ELMO3: variants seen among roughly 807,000 people sequenced by gnomAD.
ELMO3 encodes the protein engulfment and cell motility protein 3.
A neutral mutation model predicts 89.0 loss-of-function variants in ELMO3; 81 were observed. That is an observed-to-expected ratio of 0.91 (90% CI 0.76 to 1.09). The LOEUF is 1.09. Among genes scored for constraint, ELMO3 ranks in the 50% least tolerant of loss-of-function variants. The pLI is 0.00. For synonymous variants in ELMO3, 406 were observed against 400.6 expected (o/e 1.01, Z -0.16); for missense variants, 959 against 972.8 (o/e 0.99, Z 0.19).
At position 67,203,601 on chromosome 16, in the gene ELMO3, T is replaced by A; in HGVS notation, c.1950+18T>A. The A allele has an allele frequency of 1.2e-6, 2 of 1,613,968 alleles. No homozygotes were observed. The highest frequency in any genetic ancestry group is 2.7e-5 in the African/African-American group (2 of 75,016). On this transcript the variant is annotated intron_variant, in intron 19 of 19. Coordinates refer to ENST00000393997, the MANE Select transcript of ELMO3 (RefSeq NM_024712.5). The surrounding 1 kb of genome is among the most constrained non-coding windows in gnomAD (Gnocchi z 4.6). ...AGCGGGAGGTGAGTGTCCGCCAGGC[T>A]GAGGTCGGCAGGTGGGCAGGGGAGG...
chr16:67,199,489 C>CCCCCCCCCCCCCCCA, intron 1 of ELMO3, 64 bp from the exon 2 acceptor site: 1 of 1,554,410 alleles, frequency 6.4e-7, no homozygotes, highest in Non-Finnish European at 8.7e-7. Context: ...CGCCCCACCC[C>CCCCCCCCCCCCCCCA]TCCCCCCAGG....
chr16:67,202,893 G>T lies in ELMO3; in HGVS notation c.1564G>T (p.Glu522Ter). The stretch of plus-strand genomic sequence containing the variant: ...TGCTCAGTGACACCCCTCTATCAGG[G>T]AGCTGCGGGAGAAGCTGAAGCCAGA... Reference protein sequence around the residue: ...QEGTLAPPILELREKLKPELM... With the variant: ...QEGTLAPPIL The change falls in exon 16 of 20, where the codon GAG becomes TAG. Residue 522 changes from glutamate to a stop codon, truncating the protein, a stop_gained and splice_region_variant. Coordinates refer to ENST00000393997, the MANE Select transcript of ELMO3 (RefSeq NM_024712.5). LOFTEE classifies it high-confidence loss of function. 1 of 1,612,934 alleles carries T rather than the reference G, an allele frequency of 6.2e-7. No homozygotes were observed. The highest frequency in any genetic ancestry group is 8.5e-7 in the Non-Finnish European group (1 of 1,179,972).
In ELMO3 at chr16:67,199,981, C is replaced by T; in HGVS notation, c.223C>T (p.Leu75=). 2 of 1,613,862 alleles carry T rather than the reference C, an allele frequency of 1.2e-6. No individual in the cohort carries two copies. Among genetic ancestry groups the T allele is most frequent in the Non-Finnish European group, 8.5e-7 (1 of 1,180,028 alleles). Residue 75 remains leucine (L), a synonymous_variant, in exon 4 of 20, where the codon CTG becomes TTG. Coordinates refer to ENST00000393997, the MANE Select transcript of ELMO3 (RefSeq NM_024712.5). The part of the protein sequence containing the change: ...NRAEIKNGSI[L]CLSTAPDLEA... Reference sequence around the variant, plus strand: ...CGCGGAGATCAAGAATGGCAGCATCCTGTGCCTCAGCACGGCCCCAGTAAT... The same window carrying T: ...CGCGGAGATCAAGAATGGCAGCATCTTGTGCCTCAGCACGGCCCCAGTAAT...
chr16:67,200,620 C>T (rs1428011823), intron 6 of ELMO3, 37 bp from the exon 7 acceptor site: 1 of 1,609,760 alleles, frequency 6.2e-7, no homozygotes, highest in Non-Finnish European at 8.5e-7. Context: ...CCCGGTCTTC[C>T]ATGGGGGTGA....
At position 67,200,367 on chromosome 16, in the gene ELMO3, C is replaced by T; in HGVS notation, c.413+6C>T. ...ATCATTGAAGATGGGGACGAGTGAG[C>T]ACAGGGATGTGTGGGCTGGGGGAGA... On this transcript the variant is annotated splice_donor_region_variant and intron_variant, in intron 5 of 19. Transcript: ENST00000393997. 6.2e-7 allele frequency: 1 copy of T among 1,613,650 alleles called. No individual in the cohort carries two copies. The highest frequency in any genetic ancestry group is 1.7e-5 in the Admixed American group (1 of 60,010).
intron 7 of ELMO3, 28 bp from the exon 8 acceptor site, chr16:67,200,862 G>A: frequency 6.2e-7 from 1 of 1,613,716 alleles, no homozygotes; most frequent in South Asian, 1.1e-5. Flanking sequence ...GAGCCTGAAT[G>A]TTCCACTGAG....
At position 67,200,443 on chromosome 16, in the gene ELMO3, C is replaced by T. The variant is rs1383149416; in HGVS notation, c.414-8C>T. On this transcript the variant is annotated splice_polypyrimidine_tract_variant and splice_region_variant and intron_variant, in intron 5 of 19. Coordinates refer to ENST00000393997, the MANE Select transcript of ELMO3 (RefSeq NM_024712.5). ...GGTCCTGCTCAGCCCCAGATGTCCCCCCTCCAGCCTAGGAGAGGTGCTGGC... is the reference window on the plus strand; with the variant it reads ...GGTCCTGCTCAGCCCCAGATGTCCCTCCTCCAGCCTAGGAGAGGTGCTGGC... The T allele has an allele frequency of 1.2e-5, 19 of 1,611,812 alleles. No individual in the cohort carries two copies. The highest frequency in any genetic ancestry group is 1.7e-5 in the Admixed American group (1 of 59,970).
At chr16:67,201,483 G>A in intron 9 of ELMO3, 37 bp from the exon 10 acceptor site, 1 of 1,613,918 alleles carries the variant, frequency 6.2e-7, no homozygotes, top group Non-Finnish European at 8.5e-7. Context: ...CCCTCCCCGT[G>A]AGCCCTCGCT....
chr16:67,199,856 C>T, intron 3 of ELMO3, 95 bp from the exon 4 acceptor site: 2 of 1,605,788 alleles, frequency 1.2e-6, no homozygotes, highest in Non-Finnish European at 1.7e-6. Context: ...GGAGCGCGAT[C>T]TGTTATTCAC....
At position 67,202,042 on chromosome 16, in the gene ELMO3, G is replaced by T. The variant is rs2033126566; in HGVS notation, c.1116G>T (p.Leu372Phe). ...GTCTGCTGGCCCTGGACAACATGTT[G>T]TACTTCTCCAGAAACGCGCCCAGCG... is the stretch of plus-strand genomic sequence containing the variant. ...PPGLLALDNMLYFSRNAPSAY... is the reference protein window; with the variant it reads ...PPGLLALDNMFYFSRNAPSAY... Residue 372 changes from leucine to phenylalanine, a missense_variant, in exon 12 of 20, where the codon TTG becomes TTT. By Grantham distance (22) the Leu-to-Phe change is conservative. Coordinates refer to ENST00000393997, the MANE Select transcript of ELMO3 (RefSeq NM_024712.5). The T allele has an allele frequency of 1.3e-6, 2 of 1,572,502 alleles. No homozygotes were observed. The highest frequency in any genetic ancestry group is 1.7e-6 in the Non-Finnish European group (2 of 1,155,266).
At chr16:67,201,494 T>G in intron 9 of ELMO3, 26 bp from the exon 10 acceptor site, 1 of 1,613,972 alleles carries the variant, frequency 6.2e-7, no homozygotes, top group Non-Finnish European at 8.5e-7. Flanking sequence ...AGCCCTCGCT[T>G]ACACCAGGGA....
intron 4 of ELMO3, 58 bp downstream of exon 4, chr16:67,200,059 GC>G (rs1411468506): frequency 6.3e-7 from 1 of 1,585,402 alleles, no homozygotes; most frequent in African/African-American, 1.3e-5. Context: ...AGGTCCAGAG[GC>G]CCCCCGCCCC....
rs752773948 is a variant in ELMO3, at chr16:67,203,466, G to A, written c.1864-31G>A. On this transcript the variant is annotated intron_variant, in intron 18 of 19. Transcript: ENST00000393997. This position sits in a 1 kb window ranked among gnomAD's most constrained non-coding sequence, Gnocchi z 4.6. ...CCCGCCCCCGCCTACCCTGTCCCCT[G>A]CTCAGTGTCCCCGCTCCCTTGCTTC... 2 of 1,611,042 alleles carry A rather than the reference G, an allele frequency of 1.2e-6. No homozygotes were observed. The highest frequency in any genetic ancestry group is 1.7e-6 in the Non-Finnish European group (2 of 1,178,160).
chr16:67,199,540 A>G lies in ELMO3; in HGVS notation c.79-13A>G, dbSNP rs746147806. 3.9e-6 allele frequency: 6 copies of G among 1,550,140 alleles called. No homozygotes were observed. Among genetic ancestry groups the G allele is most frequent in the Non-Finnish European group, 5.2e-6 (6 of 1,152,824 alleles). On this transcript the variant is annotated splice_polypyrimidine_tract_variant and intron_variant, in intron 1 of 19. Transcript: ENST00000393997. ...CCCTGCCCAGGCCGCGAGAATGACC[A>G]CTCCACTTGCAGGCGAAGCCCCTGG... is the stretch of plus-strand genomic sequence containing the variant.
In ELMO3 at chr16:67,203,436, T is replaced by TGC; in HGVS notation, c.1863+27_1863+28insGC. The stretch of plus-strand genomic sequence containing the variant: ...TGAGTACAGCGGGCCAGGGGCTCCT[T>TGC]CCCACCCGCCCCCGCCTACCCTGTC... On this transcript the variant is annotated intron_variant, in intron 18 of 19. Transcript: ENST00000393997. This position sits in a 1 kb window ranked among gnomAD's most constrained non-coding sequence, Gnocchi z 4.6. 1.2e-6 allele frequency: 2 copies of TGC among 1,606,872 alleles called. No individual in the cohort carries two copies. Among genetic ancestry groups the TGC allele is most frequent in the Non-Finnish European group, 1.7e-6 (2 of 1,174,300 alleles).
chr16:67,201,343 C>T (rs920351814), intron 8 of ELMO3, 42 bp from the exon 9 acceptor site: 7 of 1,612,560 alleles, frequency 4.3e-6, no homozygotes, highest in African/African-American at 4.0e-5. Context: ...AGGCGTGAGC[C>T]ACCGCGCCCA....
Position 67,199,233 on chromosome 16 carries a change from ACCT to A in ELMO3, c.-89_-87del, listed in dbSNP as rs768663600. The A allele has an allele frequency of 1.9e-6, 3 of 1,611,166 alleles. No individual in the cohort carries two copies. The highest frequency in any genetic ancestry group is 1.1e-5 in the South Asian group (1 of 90,824). On this transcript the variant is annotated 5_prime_UTR_variant, in exon 1 of 20. Transcript: ENST00000393997. ...CGAGGTCAGGTCTCGGAAAGGGAGG[ACCT>A]CCTCGTCCCCAGGGGCCCCAGGCCA... is the stretch of plus-strand genomic sequence containing the variant.
chr16:67,203,773 C>T lies in ELMO3; in HGVS notation c.2059C>T (p.Leu687=), dbSNP rs1419559216. The T allele has an allele frequency of 1.8e-5, 29 of 1,613,032 alleles. No homozygotes were observed. The Admixed American group carries it at 4.8e-4, about 27-fold the overall frequency. The change falls in exon 20 of 20, where the codon CTG becomes TTG. Residue 687 remains leucine (L), a synonymous_variant. Coordinates refer to ENST00000393997, the MANE Select transcript of ELMO3 (RefSeq NM_024712.5). The surrounding 1 kb of genome is among the most constrained non-coding windows in gnomAD (Gnocchi z 4.6). ...GCTGACCATGGAGACCAAGCTGCGT[C>T]TGCTGGAGCTGGAGAACGTGCCCAT... ...QLLTMETKLR[L]LELENVPIPE... is the part of the protein sequence containing the mutation.
rs777274132 is a variant in ELMO3, at chr16:67,202,530, C to G, written c.1395C>G (p.Asp465Glu). The G allele has an allele frequency of 6.2e-7, 1 of 1,612,394 alleles. No homozygotes were observed. Among genetic ancestry groups the G allele is most frequent in the South Asian group, 1.1e-5 (1 of 91,088 alleles). ...KEMRATQEDF[D>E]KVMQVVREQL... ...TGCGGGCTACACAGGAGGACTTCGACAAGGTGGGTGGGGTGGGAGCTGGGA... is the reference window on the plus strand; with the variant it reads ...TGCGGGCTACACAGGAGGACTTCGAGAAGGTGGGTGGGGTGGGAGCTGGGA... The change falls in exon 14 of 20, where the codon GAC (aspartate) becomes GAG (glutamate). Residue 465 changes from aspartate (D) to glutamate (E), a missense_variant. By Grantham distance (45) the Asp-to-Glu change is conservative (BLOSUM62 2). Transcript: ENST00000393997.
Sources: gnomAD v4.1 joint callset for allele counts on GRCh38, gnomAD v4.1.1 for gene constraint, Gnocchi (gnomAD v3.1) non-coding constraint, MANE v1.5 for transcripts, NCBI Gene and HGNC (gene_info 2026-07-23, HGNC 2026-07-21) for gene names.